The following ALS2 variants were observed in gnomAD, a reference collection of about 807,000 sequenced individuals.
The protein encoded by ALS2 is alsin.
In ALS2, 117 loss-of-function variants were observed where a neutral mutation model predicts 203.4. That is an observed-to-expected ratio of 0.58 (90% CI 0.50 to 0.67). The LOEUF (loss-of-function observed/expected upper bound fraction) is 0.67, where lower values mean the gene tolerates loss of function less well. Among genes scored for constraint, ALS2 ranks in the 30% least tolerant of loss-of-function variants. The pLI, the probability that ALS2 is intolerant of heterozygous loss-of-function variation, is 0.00. For missense variants in ALS2, 1,715 were observed against 1,989.4 expected (o/e 0.86, Z 2.62); for synonymous variants, 718 against 725.9 (o/e 0.99, Z 0.17).
At chr2:201,721,672 A>AT (rs78740524) in intron 23 of ALS2, among the ~76,000 whole-genome samples, 13 of 150,450 alleles carry the variant, frequency 8.6e-5, no homozygotes, top group Non-Finnish European at 1.3e-4. Context: ...TAAAACTTTC[A>AT]TTTTTTTTTT....
intron 7 of ALS2, 72 bp from the exon 8 acceptor site, chr2:201,749,861 A>C (rs964987812): frequency 1.8e-6 from 2 of 1,133,322 alleles, no homozygotes; most frequent in Admixed American, 3.5e-5. Flanking sequence ...GAACCTTTAT[A>C]ATAATTAACA....
In ALS2 at chr2:201,757,616, C is replaced by T; in HGVS notation, c.1257G>A (p.Lys419=). ...TTGTACTATAAAAGTTCATAACTTT[C>T]TTCAGTGACAAGGCACCAGCTTCAT... ...ATYEAGALSL[K]KVMNFYSTTP... is the part of the protein sequence containing the mutation. Residue 419 remains lysine, a synonymous_variant, in exon 5 of 34, where the codon AAG becomes AAA. Transcript: ENST00000264276. The T allele has an allele frequency of 6.2e-7, 1 of 1,614,180 alleles. No homozygotes were observed. The highest frequency in any genetic ancestry group is 8.5e-7 in the Non-Finnish European group (1 of 1,180,030).
chr2:201,716,110 T>A (rs999689123), intron 24 of ALS2, among the ~76,000 whole-genome samples: 3 of 152,198 alleles, frequency 2.0e-5, no homozygotes, highest in Admixed American at 1.3e-4. Flanking sequence ...GAATTAATTT[T>A]AAAAAATTGA....
intron 29 of ALS2, among the ~76,000 whole-genome samples, chr2:201,706,406 A>C (rs1329734616): frequency 4.7e-5 from 7 of 147,962 alleles, no homozygotes; most frequent in Non-Finnish European, 7.5e-5. Flanking sequence ...AAAAAAAAAA[A>C]CACTTCAAAA....
At chr2:201,743,083 AAAAG>A (rs1201450051) in intron 10 of ALS2, among the ~76,000 whole-genome samples, 24 of 151,544 alleles carry the variant, frequency 1.6e-4, no homozygotes, top group African/African-American at 5.8e-4. Context: ...AAAAAAAAAA[AAAAG>A]AAAGAAACAA....
At chr2:201,708,168 A>G (rs745697306) in intron 27 of ALS2, among the ~76,000 whole-genome samples, 177 bp from the exon 28 acceptor site, 4 of 152,192 alleles carry the variant, frequency 2.6e-5, no homozygotes, top group Non-Finnish European at 5.9e-5. Context: ...AATGAATAAT[A>G]CCACTACAAA....
chr2:201,731,570 T>C (rs924604729), intron 13 of ALS2, among the ~76,000 whole-genome samples: 2 of 152,158 alleles, frequency 1.3e-5, no homozygotes, highest in African/African-American at 4.8e-5. Context: ...GCATATAGAA[T>C]TCATTCAATA....
intron 24 of ALS2, 145 bp from the exon 25 acceptor site, chr2:201,715,984 C>G: frequency 1.2e-6 from 1 of 850,990 alleles, no homozygotes; most frequent in South Asian, 1.6e-5. Context: ...TTTTAAAACA[C>G]TAAATGAAAA....
chr2:201,768,992 C>G, intron 1 of ALS2, 47 bp from the exon 2 acceptor site: 8 of 997,122 alleles, frequency 8.0e-6, no homozygotes, highest in Middle Eastern at 2.2e-4. Context: ...ATATTTTACC[C>G]CTCAGACATT....
intron 20 of ALS2, 32 bp from the exon 21 acceptor site, chr2:201,724,491 T>C (rs746243067): frequency 4.3e-6 from 7 of 1,609,774 alleles, no homozygotes; most frequent in South Asian, 2.2e-5. Context: ...AATTATCACA[T>C]GCACATTGAA....
chr2:201,709,625 C>T (rs146694827), intron 27 of ALS2, among the ~76,000 whole-genome samples: 1 of 152,066 alleles, frequency 6.6e-6, no homozygotes, highest in Non-Finnish European at 1.5e-5. Context: ...ATACTTCATA[C>T]CAAAATTAGA....
chr2:201,773,176 G>T (rs1694489578), intron 1 of ALS2, among the ~76,000 whole-genome samples: 1 of 152,106 alleles, frequency 6.6e-6, no homozygotes. Flanking sequence ...TTATTTCAAT[G>T]ACGATTTACA....
chr2:201,760,437 T>G (rs1459069567), intron 4 of ALS2: 2 of 991,260 alleles, frequency 2.0e-6, no homozygotes, highest in Non-Finnish European at 1.2e-6. Context: ...TGCCTACAAT[T>G]GAAGGATCTG....
intron 6 of ALS2, among the ~76,000 whole-genome samples, chr2:201,753,972 A>C (rs1175703005): frequency 3.3e-5 from 5 of 151,692 alleles, no homozygotes; most frequent in African/African-American, 1.2e-4. Flanking sequence ...GGAAAAGCGC[A>C]CCATGGATAC....
intron 1 of ALS2, among the ~76,000 whole-genome samples, chr2:201,777,046 G>A (rs888741761): frequency 6.6e-6 from 1 of 152,166 alleles, no homozygotes; most frequent in Non-Finnish European, 1.5e-5. Context: ...TAACTACGTT[G>A]TAATAAAATG....
At chr2:201,709,026 G>T (rs1267818010) in intron 27 of ALS2, among the ~76,000 whole-genome samples, 2 of 152,132 alleles carry the variant, frequency 1.3e-5, no homozygotes, top group African/African-American at 4.8e-5. Flanking sequence ...AACAATATAT[G>T]GAAGTTCTGG....
At chr2:201,741,983 CAAATGATTACAGTATT>C (rs1200650304) in intron 10 of ALS2, 129 bp from the exon 11 acceptor site, 1 of 825,524 alleles carries the variant, frequency 1.2e-6, no homozygotes, top group Non-Finnish European at 2.0e-6. Flanking sequence ...CTAAGGAACC[CAAATGATTACAGTATT>C]AAAGCAACCT....
Position 201,733,282 on chromosome 2 carries a change from A to T in ALS2, c.2574T>A (p.Phe858Leu). Residue 858 changes from phenylalanine (F) to leucine (L), a missense_variant, in exon 13 of 34, where the codon TTT becomes TTA. Phe to Leu is a conservative substitution (Grantham distance 22). Around this residue, in one of 3 missense-constraint regions of ALS2, gnomAD observed 1,227 missense variants for 1,413.5 expected, o/e 0.87. Coordinates refer to ENST00000264276, the MANE Select transcript of ALS2 (RefSeq NM_020919.4). ...AKVLLKLATC[F>L]EVASPEYQKL... ...GGTATACATGGGAGCTTACCACTTC[A>T]AAACAAGTAGCAAGCTTTAGCAAAA... 1.2e-6 allele frequency: 2 copies of T among 1,613,818 alleles called. No individual in the cohort carries two copies. The highest frequency in any genetic ancestry group is 1.7e-6 in the Non-Finnish European group (2 of 1,179,842).
intron 23 of ALS2, chr2:201,722,704 G>T (rs1690884398): frequency 3.9e-6 from 1 of 253,188 alleles, no homozygotes; most frequent in Admixed American, 5.0e-5. Context: ...TATACTAAGT[G>T]TAAGAAGCCA....
Sources: gnomAD v4.1 joint callset for allele counts (sites outside exome capture counted in the v4.1 genomes callset) on GRCh38, gnomAD v4.1.1 for gene constraint, gnomAD v4.1.1 regional missense constraint, MANE v1.5 for transcripts, NCBI Gene and HGNC (gene_info 2026-07-23, HGNC 2026-07-21) for gene names.